The following IQGAP3 variants were observed in gnomAD, a reference collection of about 807,000 sequenced individuals.
IQGAP3 encodes ras GTPase-activating-like protein IQGAP3.
IQGAP3 carries 165 observed loss-of-function variants against 208.2 expected under a neutral mutation model. That is an observed-to-expected ratio of 0.79 (90% CI 0.70 to 0.90). The LOEUF is 0.90. Among genes scored for constraint, IQGAP3 ranks in the 40% least tolerant of loss-of-function variants. IQGAP3 has a pLI of 0.00. For synonymous variants in IQGAP3, 703 were observed against 803.6 expected, an observed-to-expected ratio of 0.87 and a Z score of 2.12; for missense variants, 1,811 against 2,043.1, an observed-to-expected ratio of 0.89 and a Z score of 2.19.
At chr1:156,570,451 A>T (rs1241175083) in intron 1 of IQGAP3, among the ~76,000 whole-genome samples, 2 of 152,150 alleles carry the variant, frequency 1.3e-5, no homozygotes, top group Non-Finnish European at 2.9e-5. Flanking sequence ...ACCTGAGCCC[A>T]GGAGGTCTAG....
At chr1:156,528,142 T>C in intron 36 of IQGAP3, 82 bp from the exon 37 acceptor site, 1 of 1,053,098 alleles carries the variant, frequency 9.5e-7, no homozygotes, top group South Asian at 1.3e-5. Context: ...CTGCTCCTCA[T>C]CCTGGGCAGC....
intron 5 of IQGAP3, 101 bp downstream of exon 5, chr1:156,564,514 T>G: frequency 1.2e-6 from 1 of 825,896 alleles, no homozygotes; most frequent in African/African-American, 1.7e-5. Flanking sequence ...GTGCTCCCTG[T>G]GGTCTACCCT....
chr1:156,548,123 C>G lies in IQGAP3; in HGVS notation c.2254G>C (p.Glu752Gln). Residue 752 changes from glutamate to glutamine, a missense_variant, in exon 19 of 38, where the codon GAG (glutamate) becomes CAG (glutamine). Transcript: ENST00000361170. ...RGFLVRQKFA[E>Q]HSHFLRTWLP... ...CAGGTCCTCAGAAAGTGGGAATGCT[C>G]AGCAAACTTCTGCCGAACTAGGAAG... 1 of 1,613,858 alleles carries G rather than the reference C, an allele frequency of 6.2e-7. No individual in the cohort carries two copies.
intron 2 of IQGAP3, among the ~76,000 whole-genome samples, chr1:156,567,809 G>T (rs557250949): frequency 1.3e-5 from 2 of 152,146 alleles, no homozygotes; most frequent in African/African-American, 4.8e-5. Context: ...TAGAGTAACC[G>T]AATAGTCCTA....
At chr1:156,562,724 T>G in intron 8 of IQGAP3, 59 bp from the exon 9 acceptor site, 2 of 1,378,102 alleles carry the variant, frequency 1.5e-6, no homozygotes, top group Non-Finnish European at 2.1e-6. Flanking sequence ...CTTGTCCTGC[T>G]CTTCCCTGCC....
In IQGAP3 at chr1:156,533,081, G is replaced by A. The variant is rs765107068; in HGVS notation, c.4002C>T (p.His1334=). The A allele has an allele frequency of 1.5e-5, 25 of 1,613,930 alleles. No individual in the cohort carries two copies. The highest frequency in any genetic ancestry group is 2.1e-5 in the Non-Finnish European group (25 of 1,179,990). Residue 1334 remains histidine (H), a synonymous_variant, in exon 32 of 38, where the codon CAC becomes CAT. Coordinates refer to ENST00000361170, the MANE Select transcript of IQGAP3 (RefSeq NM_178229.5). ...LIGESIAADG[H]TDLSKLEVSL... is the part of the protein sequence containing the mutation. ...ACACTTCTAGCTTGCTCAGGTCCGT[G>A]TGCCCATCTGCAGCGATGCTCTCAC...
Position 156,525,761 on chromosome 1 carries a change from C to T in IQGAP3, c.*725G>A, listed in dbSNP as rs948323668. ...AAAAAAAAAAAAAAAAAAATGAAAG[C>T]GTTAAAACCCTGATTAAGTCTGCAC... On this transcript the variant is annotated 3_prime_UTR_variant, in exon 38 of 38. Transcript: ENST00000361170. 5 of 103,228 alleles carry T rather than the reference C, an allele frequency of 4.8e-5. No individual in the cohort carries two copies. The highest frequency in any genetic ancestry group is 1.0e-4 in the Admixed American group (1 of 9,966). 6.4% of individuals were successfully genotyped at this position (103,228 alleles called of 1,614,324 possible).
intron 22 of IQGAP3, among the ~76,000 whole-genome samples, chr1:156,542,724 G>A (rs1675045809): frequency 6.6e-6 from 1 of 152,188 alleles, no homozygotes; most frequent in East Asian, 1.9e-4. Flanking sequence ...TGGATCACTT[G>A]AGCCCAGGAG....
At chr1:156,544,539 A>C in intron 19 of IQGAP3, 67 bp from the exon 20 acceptor site, 1 of 1,381,496 alleles carries the variant, frequency 7.2e-7, no homozygotes, top group Non-Finnish European at 1.0e-6. Flanking sequence ...GCTTTTAAGA[A>C]AATCTTTGTC....
In IQGAP3 at chr1:156,544,875, A is replaced by C. The variant is rs114033074; in HGVS notation, c.2305-403T>G. ...ACACCCATATGCAGACCACCCACAC[A>C]CTATCACACACTCCACCCTCCCTCA... On this transcript the variant is annotated intron_variant, in intron 19 of 37. Coordinates refer to ENST00000361170, the MANE Select transcript of IQGAP3 (RefSeq NM_178229.5). Among the ~76,000 whole-genome samples, 970 of 152,198 alleles carry C rather than the reference A, an allele frequency of 6.4e-3. 8 individuals are homozygous for C. Among genetic ancestry groups the C allele is most frequent in the African/African-American group, 0.022 (920 of 41,520 alleles).
At position 156,547,457 on chromosome 1, in the gene IQGAP3, G is replaced by A. The variant is rs1390026008; in HGVS notation, c.2304+616C>T. 6.0e-5 allele frequency among the ~76,000 whole-genome samples: 9 copies of A among 150,108 alleles called. No homozygotes were observed. The South Asian group carries it at 1.0e-3, about 17-fold the overall frequency. On this transcript the variant is annotated intron_variant, in intron 19 of 37. Coordinates refer to ENST00000361170, the MANE Select transcript of IQGAP3 (RefSeq NM_178229.5). ...CACACATTTTTAGAGACAGGGTCTC[G>A]CTCTGTTGCCCATGCTGGAGTGCAG...
Position 156,540,005 on chromosome 1 carries a change from G to T in IQGAP3, c.2740-15C>A. 1 of 1,614,062 alleles carries T rather than the reference G, an allele frequency of 6.2e-7. No individual in the cohort carries two copies. Among genetic ancestry groups the T allele is most frequent in the Non-Finnish European group, 8.5e-7 (1 of 1,179,992 alleles). On this transcript the variant is annotated splice_polypyrimidine_tract_variant and intron_variant, in intron 23 of 37. Transcript: ENST00000361170. ...GAGACCACTTCCTGCAGGGGTGGAG[G>T]AGCGGGTGATACAACTAGCCTAGGC... is the stretch of plus-strand genomic sequence containing the variant.
Position 156,529,102 on chromosome 1 carries a change from G to A in IQGAP3, c.4405-20C>T, listed in dbSNP as rs1262814969. The A allele has an allele frequency of 1.9e-6, 3 of 1,612,842 alleles. No homozygotes were observed. The African/African-American group carries it at 4.0e-5, about 22-fold the overall frequency. Reference sequence around the variant, plus strand: ...GATGTCCTGGGGTTGGGGAACAGATGGAGGGATGAGTGGTCCTTCCTGGCA... The same window carrying A: ...GATGTCCTGGGGTTGGGGAACAGATAGAGGGATGAGTGGTCCTTCCTGGCA... On this transcript the variant is annotated intron_variant, in intron 34 of 37. Transcript: ENST00000361170.
chr1:156,528,611 C>A lies in IQGAP3; in HGVS notation c.4572-1G>T, dbSNP rs758944419. 1.2e-6 allele frequency: 2 copies of A among 1,609,656 alleles called. No individual in the cohort carries two copies. Among genetic ancestry groups the A allele is most frequent in the Non-Finnish European group, 1.7e-6 (2 of 1,176,630 alleles). Reference sequence around the variant, plus strand: ...CTGCTTCTTCCCCTTCCCAGAACTCCTGATTAAAAGAAGGCCCCAGAGAAT... The same window carrying A: ...CTGCTTCTTCCCCTTCCCAGAACTCATGATTAAAAGAAGGCCCCAGAGAAT... On this transcript the variant is annotated splice_acceptor_variant, in intron 35 of 37. Coordinates refer to ENST00000361170, the MANE Select transcript of IQGAP3 (RefSeq NM_178229.5). LOFTEE classifies it high-confidence loss of function.
Position 156,551,706 on chromosome 1 carries a change from T to A in IQGAP3, c.1733A>T (p.Gln578Leu). 6.2e-7 allele frequency: 1 copy of A among 1,609,202 alleles called. No homozygotes were observed. Among genetic ancestry groups the A allele is most frequent in the Non-Finnish European group, 8.5e-7 (1 of 1,178,170 alleles). The change falls in exon 15 of 38, where the codon CAG becomes CTG. Residue 578 changes from glutamine (Q) to leucine (L), a missense_variant and splice_region_variant. Gln to Leu is a moderately radical substitution (Grantham distance 113). Transcript: ENST00000361170. ...LLVAAKRQKA[Q>L]VTGDPGAVLW... ...CAACCCAACCAGCCCTAACTTCACC[T>A]GGGCCTTCTGCCTTTTGGCTGCCAC...
At chr1:156,553,901 C>T (rs1200996480) in intron 13 of IQGAP3, among the ~76,000 whole-genome samples, 1 of 152,246 alleles carries the variant, frequency 6.6e-6, no homozygotes, top group African/African-American at 2.4e-5. Flanking sequence ...CTTTTCTCAT[C>T]ATCTGTCTCC....
Position 156,551,865 on chromosome 1 carries a change from AC to A in IQGAP3, c.1573del (p.Val525SerfsTer30). The A allele has an allele frequency of 6.2e-7, 1 of 1,603,238 alleles. No individual in the cohort carries two copies. The stretch of plus-strand genomic sequence containing the variant: ...CTCATTGATGAGGCTGACTGCAAGG[AC>A]CCCTAAGAAAGAGAGATCTAGGTGG... ...NAQTQEETDR[V>X]LAVSLINEAL... On this transcript the variant is annotated frameshift_variant and splice_region_variant, in exon 15 of 38. Coordinates refer to ENST00000361170, the MANE Select transcript of IQGAP3 (RefSeq NM_178229.5). LOFTEE classifies it high-confidence loss of function.
chr1:156,568,899 G>GA (rs11429787), intron 2 of IQGAP3, among the ~76,000 whole-genome samples: 146,360 of 152,166 alleles, frequency 0.96, 70,648 homozygotes, highest in East Asian at 1. Flanking sequence ...TGTACTTCAG[G>GA]AAAATGACCC....
Position 156,556,660 on chromosome 1 carries a change from A to ATGGCTT in IQGAP3, c.1157_1162dup (p.Lys386_Ala387dup). 1 of 1,603,870 alleles carries ATGGCTT rather than the reference A, an allele frequency of 6.2e-7. No homozygotes were observed. Among genetic ancestry groups the ATGGCTT allele is most frequent in the Non-Finnish European group, 8.5e-7 (1 of 1,173,568 alleles). ...AGTGTCAGCCGCCACTCTCCTCCGGATGGCTTTGTTGATCCGCTGCACAGC... is the reference window on the plus strand; with the variant it reads ...AGTGTCAGCCGCCACTCTCCTCCGGATGGCTTTGGCTTTGTTGATCCGCTGCACAGC... On this transcript the variant is annotated inframe_insertion, in exon 12 of 38. Coordinates refer to ENST00000361170, the MANE Select transcript of IQGAP3 (RefSeq NM_178229.5).
Sources: allele counts gnomAD v4.1 joint callset (sites outside exome capture counted in the v4.1 genomes callset), GRCh38; gene constraint gnomAD v4.1.1; transcripts MANE v1.5; gene names NCBI Gene and HGNC (gene_info 2026-07-23, HGNC 2026-07-21).